Variants in FOXP2 observed in about 807,000 individuals in gnomAD.
FOXP2 encodes the protein forkhead box P2, also known as forkhead box protein P2.
In FOXP2, 12 loss-of-function variants were observed where a neutral mutation model predicts 115.8. The ratio of observed to expected loss-of-function variants is 0.10; its 90% CI spans 0.07 to 0.17. The LOEUF (loss-of-function observed/expected upper bound fraction) is 0.17, where lower values mean the gene tolerates loss of function less well. FOXP2 is among the 10% of genes least tolerant of loss of function. FOXP2 has a pLI of 1.00. For missense variants in FOXP2, 629 were observed against 843.5 expected (o/e 0.75, Z 3.15); for synonymous variants, 328 against 297.7 (o/e 1.10, Z -1.05).
chr7:114,491,100 G>T (rs1370299946), intron 2 of FOXP2, among the ~76,000 whole-genome samples: 2 of 152,154 alleles, frequency 1.3e-5, no homozygotes, highest in Non-Finnish European at 2.9e-5. Context: ...CACAATGGTT[G>T]AACTAGTTTA....
At chr7:114,376,490 C>T (rs576361095) in intron 2 of FOXP2, among the ~76,000 whole-genome samples, 4 of 152,280 alleles carry the variant, frequency 2.6e-5, no homozygotes, top group African/African-American at 7.2e-5. Flanking sequence ...CCATTCTTTC[C>T]GTAAAAAGTC....
chr7:114,434,914 C>T lies in FOXP2; in HGVS notation c.168+8235C>T, dbSNP rs147736181. ...CATATACATTTTAAGAAAAATCTTT[C>T]GTCTGTCTCTTAAAATTTCACATGG... is the stretch of plus-strand genomic sequence containing the variant. On this transcript the variant is annotated intron_variant, in intron 2 of 16. Transcript: ENST00000350908. Among the ~76,000 whole-genome samples the T allele has an allele frequency of 4.0e-4, 61 of 152,164 alleles. No homozygotes were observed. In the Middle Eastern group the frequency reaches 0.02, roughly 51 times the overall value.
At chr7:114,470,354 C>G (rs1453403762) in intron 2 of FOXP2, among the ~76,000 whole-genome samples, 1 of 152,146 alleles carries the variant, frequency 6.6e-6, no homozygotes, top group East Asian at 1.9e-4. Context: ...TCCATTTTAA[C>G]TAAAACATCC....
chr7:114,158,559 C>T (rs1174522357), upstream of FOXP2, among the ~76,000 whole-genome samples: 1 of 151,982 alleles, frequency 6.6e-6, no homozygotes, highest in Non-Finnish European at 1.5e-5. Flanking sequence ...AGAGACTTTG[C>T]CATAGTACCA....
At chr7:114,128,328 T>A (rs1170082124) in intron 1 of FOXP2, among the ~76,000 whole-genome samples, 1 of 152,096 alleles carries the variant, frequency 6.6e-6, no homozygotes, top group Non-Finnish European at 1.5e-5. Context: ...GTTGTTACCC[T>A]GAAGAATGAA....
chr7:114,478,244 A>G lies in FOXP2; in HGVS notation c.168+51565A>G, dbSNP rs548056367. Among the ~76,000 whole-genome samples, 26 of 151,986 alleles carry G rather than the reference A, an allele frequency of 1.7e-4. No homozygotes were observed. In the East Asian group the frequency reaches 5.0e-3, roughly 29 times the overall value. On this transcript the variant is annotated intron_variant, in intron 2 of 16. Transcript: ENST00000350908. The stretch of plus-strand genomic sequence containing the variant: ...GAGTATGTTGAATGGGAATTTCACC[A>G]AACTCTACAATACCAATGTTTTGGG...
chr7:114,627,518 T>C (rs1007217628), intron 3 of FOXP2, among the ~76,000 whole-genome samples: 5 of 152,116 alleles, frequency 3.3e-5, no homozygotes, highest in Admixed American at 1.3e-4. Context: ...TTTAGGTTTC[T>C]ATACCAGTTT....
At chr7:114,220,247 C>A (rs1794588786) in intron 1 of FOXP2, among the ~76,000 whole-genome samples, 1 of 151,152 alleles carries the variant, frequency 6.6e-6, no homozygotes, top group African/African-American at 2.4e-5. Context: ...AAAAATATTG[C>A]AATATAAAAA....
At chr7:114,366,028 A>G (rs1033994315) in intron 2 of FOXP2, among the ~76,000 whole-genome samples, 3 of 152,140 alleles carry the variant, frequency 2.0e-5, no homozygotes, top group Non-Finnish European at 4.4e-5. Context: ...CAATCATTTA[A>G]AAATCTAATT....
At chr7:114,659,535 A>T in intron 12 of FOXP2, 37 bp from the exon 13 acceptor site, 23 of 1,595,034 alleles carry the variant, frequency 1.4e-5, no homozygotes, top group Non-Finnish European at 2.0e-5. Flanking sequence ...TTAGTAAACC[A>T]TTATTTTATG....
At chr7:114,628,042 T>G (rs556768031) in intron 3 of FOXP2, among the ~76,000 whole-genome samples, 1 of 152,252 alleles carries the variant, frequency 6.6e-6, no homozygotes, top group South Asian at 2.1e-4. Context: ...TATAAAATTT[T>G]GAAGATGATG....
At chr7:114,157,462 T>TA (rs1491504833) in intron 1 of FOXP2, among the ~76,000 whole-genome samples, 4 of 152,076 alleles carry the variant, frequency 2.6e-5, no homozygotes, top group African/African-American at 9.7e-5. Context: ...ATTAAGACTC[T>TA]AAAAAAATCA....
intron 1 of FOXP2, among the ~76,000 whole-genome samples, chr7:114,208,838 T>C (rs1794269623): frequency 6.6e-6 from 1 of 152,178 alleles, no homozygotes; most frequent in African/African-American, 2.4e-5. Flanking sequence ...CCTCCTGCCA[T>C]GATTGTGAGG....
chr7:114,676,532 T>G (rs934270123), intron 16 of FOXP2, among the ~76,000 whole-genome samples: 34 of 152,310 alleles, frequency 2.2e-4, no homozygotes, highest in Middle Eastern at 3.4e-3. Flanking sequence ...TGAGGATAGC[T>G]TTTTGAATGT....
chr7:114,506,509 G>A (rs1164837683), intron 2 of FOXP2, among the ~76,000 whole-genome samples: 1 of 151,346 alleles, frequency 6.6e-6, no homozygotes, highest in Non-Finnish European at 1.5e-5. Context: ...TTATCAAATT[G>A]TATTAATCAC....
chr7:114,188,481 A>G (rs1001737766), intron 1 of FOXP2, among the ~76,000 whole-genome samples: 2 of 152,122 alleles, frequency 1.3e-5, no homozygotes, highest in African/African-American at 4.8e-5. Flanking sequence ...TGTCTTATCT[A>G]TGAGCTTTTG....
intron 3 of FOXP2, among the ~76,000 whole-genome samples, chr7:114,583,240 A>G (rs1801958945): frequency 6.6e-6 from 1 of 152,008 alleles, no homozygotes; most frequent in Non-Finnish European, 1.5e-5. Flanking sequence ...TTAGCTGGTC[A>G]TGGTGGTGCA....
chr7:114,382,661 G>A (rs923385676), intron 2 of FOXP2, among the ~76,000 whole-genome samples: 2 of 151,868 alleles, frequency 1.3e-5, no homozygotes, highest in Non-Finnish European at 2.9e-5. Flanking sequence ...AAAAACCGAA[G>A]TTGCCAAGTT....
intron 3 of FOXP2, among the ~76,000 whole-genome samples, chr7:114,594,381 C>G (rs1802593457): frequency 6.6e-6 from 1 of 151,996 alleles, no homozygotes; most frequent in Non-Finnish European, 1.5e-5. Context: ...CTGTCAATCA[C>G]AATTAGTGGC....
Sources: gnomAD v4.1 joint callset for allele counts (sites outside exome capture counted in the v4.1 genomes callset) on GRCh38, gnomAD v4.1.1 for gene constraint, MANE v1.5 for transcripts, NCBI Gene and HGNC (gene_info 2026-07-23, HGNC 2026-07-21) for gene names.